JADE3: variants seen among roughly 807,000 people sequenced by gnomAD.
JADE3 encodes jade family PHD finger 3, also known as protein Jade-3.
In JADE3, 2 loss-of-function variants were observed where a neutral mutation model predicts 50.1. The ratio of observed to expected loss-of-function variants is 0.04; its 90% confidence interval spans 0.02 to 0.13. The LOEUF (loss-of-function observed/expected upper bound fraction) is 0.13. Ranked by LOEUF, JADE3 falls within the 10% of genes least tolerant of loss-of-function variation. The pLI is 1.00. For synonymous variants in JADE3, 218 were observed against 232.9 expected, an observed-to-expected ratio of 0.94 and a Z score of 0.58; for missense variants, 475 against 634.4, an observed-to-expected ratio of 0.75 and a Z score of 2.70.
At position 47,060,231 on chromosome X, in the gene JADE3, C is replaced by T. The variant is rs1556374820; in HGVS notation, c.*1154C>T. ...ATTTCTAGTAGGAAGAGAATAATTA[C>T]ATTTGCGGGGGGGGGGGTGGATAAA... On this transcript the variant is annotated 3_prime_UTR_variant, in exon 11 of 11. Coordinates refer to ENST00000614628, the MANE Select transcript of JADE3 (RefSeq NM_014735.5). 1.4e-5 allele frequency: 1 copy of T among 71,510 alleles called. No individual in the cohort carries two copies. Among genetic ancestry groups the T allele is most frequent in the Non-Finnish European group, 2.4e-5 (1 of 41,881 alleles). 5.9% of individuals were successfully genotyped at this position (71,510 alleles called of 1,213,427 possible). A position where few individuals can be genotyped will look rare whatever the true frequency, so the allele number is the denominator to read the frequency against.
chrX:46,999,487 A>ACATAT (rs1556358444), intron 4 of JADE3, among the ~76,000 whole-genome samples: 1 of 103,149 alleles, frequency 9.7e-6, no homozygotes, highest in African/African-American at 3.6e-5. Flanking sequence ...ATATATATAA[A>ACATAT]ATAGGGTCTT....
intron 1 of JADE3, among the ~76,000 whole-genome samples, chrX:46,919,992 A>G: frequency 9.0e-6 from 1 of 110,910 alleles, no homozygotes; most frequent in Non-Finnish European, 1.9e-5. Context: ...AGGGTCAATC[A>G]AGAATATTGA....
chrX:47,003,614 T>TATATAAATTTATATATTTATATAG (rs1259897522), intron 4 of JADE3, among the ~76,000 whole-genome samples: 2 of 101,699 alleles, frequency 2.0e-5, no homozygotes, highest in African/African-American at 3.5e-5. Context: ...TTAATGTATA[T>TATATAAATTTATATATTTATATAG]ATATAAATTT....
At chrX:46,921,353 A>G (rs1332659133) in intron 1 of JADE3, among the ~76,000 whole-genome samples, 3 of 112,779 alleles carry the variant, frequency 2.7e-5, no homozygotes, top group African/African-American at 9.7e-5. Context: ...TGTTGGAATT[A>G]CAGGCGTCAG....
At chrX:46,956,777 C>T (rs1346993722) in intron 1 of JADE3, among the ~76,000 whole-genome samples, 1 of 105,040 alleles carries the variant, frequency 9.5e-6, no homozygotes, top group Non-Finnish European at 2.0e-5. Context: ...TTTTCCTTTT[C>T]CCCTTTGTTT....
intron 1 of JADE3, among the ~76,000 whole-genome samples, chrX:46,961,134 AAT>A (rs782070839): frequency 1.8e-5 from 2 of 112,269 alleles, no homozygotes; most frequent in Non-Finnish European, 3.8e-5. Context: ...TAATAAAAAT[AAT>A]ATGATAATGG....
At chrX:47,014,126 A>G (rs1374317270) in intron 4 of JADE3, among the ~76,000 whole-genome samples, 1 of 112,411 alleles carries the variant, frequency 8.9e-6, no homozygotes, top group East Asian at 2.8e-4. Flanking sequence ...TAAAATTTCC[A>G]TTGAAAGCTC....
At chrX:46,996,735 A>G (rs1459961296) in intron 3 of JADE3, among the ~76,000 whole-genome samples, 2 of 112,113 alleles carry the variant, frequency 1.8e-5, no homozygotes, top group East Asian at 2.8e-4. Context: ...ACACTTGTCA[A>G]TGGACTTAGA....
At chrX:46,981,098 T>A (rs1313378312) in intron 1 of JADE3, among the ~76,000 whole-genome samples, 4 of 111,714 alleles carry the variant, frequency 3.6e-5, no homozygotes, top group African/African-American at 1.3e-4. Flanking sequence ...CCCTGTAGCC[T>A]CTAGAAAGGA....
Position 46,931,764 on chromosome X carries a change from A to C in JADE3, c.-12+19045A>C, listed in dbSNP as rs781963113. On this transcript the variant is annotated intron_variant, in intron 1 of 10. Transcript: ENST00000614628. ...AAATTAAAGCGTAATCAAAGCAATTATGCTGAAGAAATCCATTTATTTGAT... is the reference window on the plus strand; with the variant it reads ...AAATTAAAGCGTAATCAAAGCAATTCTGCTGAAGAAATCCATTTATTTGAT... 1.8e-4 allele frequency among the ~76,000 whole-genome samples: 20 copies of C among 112,390 alleles called. No individual in the cohort carries two copies. The South Asian group carries it at 6.6e-3, about 37-fold the overall frequency.
intron 1 of JADE3, among the ~76,000 whole-genome samples, chrX:46,954,193 A>G (rs1927066652): frequency 9.0e-6 from 1 of 111,275 alleles, no homozygotes; most frequent in Non-Finnish European, 1.9e-5. Context: ...TCTGCCTCAC[A>G]TGGTATTTCT....
intron 6 of JADE3, among the ~76,000 whole-genome samples, chrX:47,031,486 CATT>C (rs1180987187): frequency 9.0e-6 from 1 of 110,896 alleles, no homozygotes; most frequent in Non-Finnish European, 1.9e-5. Flanking sequence ...TTTAAAATCT[CATT>C]GAGTTCTGTA....
rs1556355222 is a variant in JADE3, at chrX:46,988,779, G to A, written c.126+2987G>A. On this transcript the variant is annotated intron_variant, in intron 3 of 10. Coordinates refer to ENST00000614628, the MANE Select transcript of JADE3 (RefSeq NM_014735.5). ...CTTTGAGGAATCAGATGGAACCACTGTGAATTCTTTCTTCCTATTTGGCCC... is the reference window on the plus strand; with the variant it reads ...CTTTGAGGAATCAGATGGAACCACTATGAATTCTTTCTTCCTATTTGGCCC... Among the ~76,000 whole-genome samples, 2 of 112,816 alleles carry A rather than the reference G, an allele frequency of 1.8e-5. 1 individual carries two copies. Among genetic ancestry groups the A allele is most frequent in the African/African-American group, 6.4e-5 (2 of 31,099 alleles).
At chrX:46,939,498 T>G (rs1421117278) in intron 1 of JADE3, among the ~76,000 whole-genome samples, 1 of 111,807 alleles carries the variant, frequency 8.9e-6, no homozygotes, top group Non-Finnish European at 1.9e-5. Context: ...TTCAATGATG[T>G]GGAAGATTGT....
intron 1 of JADE3, among the ~76,000 whole-genome samples, chrX:46,979,873 ATTTTTTTT>A (rs56397998): frequency 3.2e-5 from 2 of 63,148 alleles, no homozygotes; most frequent in Admixed American, 1.8e-4. Flanking sequence ...ATGTCTGCTG[ATTTTTTTT>A]TTTTTTTTTT....
intron 4 of JADE3, among the ~76,000 whole-genome samples, chrX:47,014,332 G>A (rs1556362402): frequency 8.9e-6 from 1 of 112,137 alleles, no homozygotes; most frequent in Non-Finnish European, 1.9e-5. Flanking sequence ...GCATGAACAA[G>A]ATGAATTTTT....
intron 7 of JADE3, among the ~76,000 whole-genome samples, chrX:47,037,799 T>C (rs893510186): frequency 8.9e-6 from 1 of 112,113 alleles, no homozygotes; most frequent in Middle Eastern, 4.6e-3. Context: ...AGTTATGTTC[T>C]TGTAGTTATT....
At chrX:46,932,730 G>T (rs1372262013) in intron 1 of JADE3, among the ~76,000 whole-genome samples, 1 of 111,658 alleles carries the variant, frequency 9.0e-6, no homozygotes, top group African/African-American at 3.3e-5. Flanking sequence ...TACTTGAAGA[G>T]GTCTTCACAG....
intron 8 of JADE3, among the ~76,000 whole-genome samples, chrX:47,047,970 C>T (rs1255957994): frequency 8.9e-6 from 1 of 111,826 alleles, no homozygotes; most frequent in Admixed American, 9.5e-5. Context: ...TCCAGTTACC[C>T]CTGCCAGTGG....
Sources: gnomAD v4.1 joint callset for allele counts (sites outside exome capture counted in the v4.1 genomes callset) on GRCh38, gnomAD v4.1.1 for gene constraint, MANE v1.5 for transcripts, NCBI Gene and HGNC (gene_info 2026-07-23, HGNC 2026-07-21) for gene names.